Variants in AARS1 observed in about 807,000 individuals in gnomAD.
AARS1 encodes the protein alanyl-tRNA synthetase 1.
A neutral mutation model predicts 108.9 loss-of-function variants in AARS1; 72 were observed. That is an observed-to-expected ratio of 0.66 (90% confidence interval 0.55 to 0.80). AARS1 has a LOEUF of 0.80. AARS1 is among the 30% of genes least tolerant of loss of function. The pLI is 0.00. For missense variants in AARS1, 1,193 were observed against 1,233.2 expected (o/e 0.97, Z 0.49); for synonymous variants, 489 against 465.7 (o/e 1.05, Z -0.64).
In AARS1 at chr16:70,265,065, A is replaced by G; in HGVS notation, c.1385T>C (p.Leu462Pro). Residue 462 changes from leucine (L) to proline (P), a missense_variant, in exon 11 of 21, where the codon CTC becomes CCC. Leu to Pro is a moderately conservative substitution (Grantham distance 98). Coordinates refer to ENST00000261772, the MANE Select transcript of AARS1 (RefSeq NM_001605.3). ...SQGKGAGGED[L>P]IMLDIYAIEE... ...GATAGCGTAAATGTCCAGCATAATG[A>G]GGTCTTCCCCACCAGCTCCCTTGCC... 1 of 1,614,124 alleles carries G rather than the reference A, an allele frequency of 6.2e-7. No homozygotes were observed.
chr16:70,287,097 A>G (rs1207816964), intron 1 of AARS1, among the ~76,000 whole-genome samples: 1 of 151,522 alleles, frequency 6.6e-6, no homozygotes, highest in Non-Finnish European at 1.5e-5. Context: ...TAAAAATACA[A>G]AAAATTAGCC....
chr16:70,274,853 G>C lies in AARS1; in HGVS notation c.479+1633C>G, dbSNP rs553551297. On this transcript the variant is annotated intron_variant, in intron 4 of 20. Transcript: ENST00000261772. The stretch of plus-strand genomic sequence containing the variant: ...ATTAAACTATTAATGATGATTGAGG[G>C]AACTTCCACTTTCTATTTTCTACAT... Among the ~76,000 whole-genome samples the C allele has an allele frequency of 7.9e-5, 12 of 151,914 alleles. No homozygotes were observed. In the South Asian group the frequency reaches 1.9e-3, roughly 24 times the overall value.
chr16:70,275,589 C>A (rs1031512863), intron 4 of AARS1, among the ~76,000 whole-genome samples: 2 of 151,706 alleles, frequency 1.3e-5, no homozygotes, highest in Non-Finnish European at 2.9e-5. Flanking sequence ...GGTGAAACCC[C>A]GTCTCTACTA....
At chr16:70,260,707 G>A (rs181026239) in intron 13 of AARS1, among the ~76,000 whole-genome samples, 87 of 152,032 alleles carry the variant, frequency 5.7e-4, no homozygotes, top group Non-Finnish European at 1.2e-3. Flanking sequence ...CTGTTGCCCA[G>A]GCTGGTGTGC....
At chr16:70,285,816 A>G (rs1567613861) in intron 1 of AARS1, among the ~76,000 whole-genome samples, 1 of 152,144 alleles carries the variant, frequency 6.6e-6, no homozygotes, top group Non-Finnish European at 1.5e-5. Flanking sequence ...TCCTGGCCTC[A>G]ATCTCCCAAG....
intron 11 of AARS1, 103 bp from the exon 12 acceptor site, chr16:70,262,627 C>T: frequency 8.5e-7 from 1 of 1,181,332 alleles, no homozygotes; most frequent in Non-Finnish European, 1.2e-6. Flanking sequence ...CTCTTCTTAG[C>T]TCCTAATTGT....
chr16:70,258,920 G>C (rs1960063742), intron 14 of AARS1, 60 bp downstream of exon 14: 1 of 1,547,766 alleles, frequency 6.5e-7, no homozygotes, highest in Non-Finnish European at 8.9e-7. Flanking sequence ...GCACTGCTAA[G>C]ACTGTGGACA....
chr16:70,285,097 C>A (rs1382506413), intron 1 of AARS1, among the ~76,000 whole-genome samples: 4 of 152,072 alleles, frequency 2.6e-5, no homozygotes, highest in Non-Finnish European at 5.9e-5. Context: ...GGAATGATGG[C>A]GAGTGCCTGT....
intron 1 of AARS1, among the ~76,000 whole-genome samples, chr16:70,287,254 CAAAAA>C (rs71151181): frequency 3.8e-4 from 15 of 39,424 alleles, no homozygotes; most frequent in Non-Finnish European, 6.8e-4. Context: ...GACTCCGTCT[CAAAAA>C]AAAAAAAAAA....
In AARS1 at chr16:70,276,543, T is replaced by C. The variant is rs778636296; in HGVS notation, c.422A>G (p.Asp141Gly). Residue 141 changes from aspartate to glycine, a missense_variant, in exon 4 of 21, where the codon GAT becomes GGT. By Grantham distance (94) the Asp-to-Gly change is moderately conservative. Coordinates refer to ENST00000261772, the MANE Select transcript of AARS1 (RefSeq NM_001605.3). ...ERLYVTYFGG[D>G]EAAGLEADLE... Reference sequence around the variant, plus strand: ...ATCTGCTTCTAAGCCAGCTGCTTCATCCCCGCCAAAGTAAGTAACATAAAG... The same window carrying C: ...ATCTGCTTCTAAGCCAGCTGCTTCACCCCCGCCAAAGTAAGTAACATAAAG... 5 of 1,614,120 alleles carry C rather than the reference T, an allele frequency of 3.1e-6. No homozygotes were observed. The highest frequency in any genetic ancestry group is 1.1e-5 in the South Asian group (1 of 91,084).
In AARS1 at chr16:70,262,605, C is replaced by A. The variant is rs544138725; in HGVS notation, c.1493-81G>T. 479 of 1,387,406 alleles carry A rather than the reference C, an allele frequency of 3.5e-4. 9 individuals carry two copies. In the South Asian group the frequency reaches 6.1e-3, roughly 18 times the overall value. 85.9% of individuals were successfully genotyped at this position (1,387,406 alleles called of 1,614,324 possible). On this transcript the variant is annotated intron_variant, in intron 11 of 20. Transcript: ENST00000261772. ...CTTCTTGGCTGACTTTTGCTGGATT[C>A]TCTTTCGCAAACTCTTCTTAGCTCC... is the stretch of plus-strand genomic sequence containing the variant.
Position 70,252,364 on chromosome 16 carries a change from A to G in AARS1, c.*357T>C. 2.7e-6 allele frequency: 1 copy of G among 370,844 alleles called. No homozygotes were observed. The highest frequency in any genetic ancestry group is 2.8e-5 in the South Asian group (1 of 35,868). 23.0% of individuals were successfully genotyped at this position (370,844 alleles called of 1,614,324 possible). On this transcript the variant is annotated 3_prime_UTR_variant, in exon 21 of 21. Transcript: ENST00000261772. Reference sequence around the variant, plus strand: ...AAAAGAGCCAGCCCCTATTGGGAAGAGGGATAGAGATCATGCGGCATTAAG... The same window carrying G: ...AAAAGAGCCAGCCCCTATTGGGAAGGGGGATAGAGATCATGCGGCATTAAG...
intron 5 of AARS1, among the ~76,000 whole-genome samples, chr16:70,271,225 T>C (rs1023054522): frequency 6.0e-5 from 9 of 149,484 alleles, no homozygotes; most frequent in Admixed American, 3.4e-4. Flanking sequence ...TTCAAGGAAA[T>C]AGGCTTTAAA....
At chr16:70,269,515 C>G (rs7193598) in intron 7 of AARS1, 103 bp downstream of exon 7, 2 of 1,528,926 alleles carry the variant, frequency 1.3e-6, no homozygotes, top group Non-Finnish European at 8.9e-7. Flanking sequence ...GCCTGGGCAA[C>G]AGAGCAACAC....
chr16:70,283,787 G>C (rs945106988), intron 1 of AARS1, among the ~76,000 whole-genome samples: 2 of 152,174 alleles, frequency 1.3e-5, no homozygotes, highest in East Asian at 1.9e-4. Context: ...AACCCTAACA[G>C]CAAACGGCTG....
At chr16:70,268,044 T>A (rs2152160438) in intron 8 of AARS1, among the ~76,000 whole-genome samples, 1 of 152,332 alleles carries the variant, frequency 6.6e-6, no homozygotes, top group Non-Finnish European at 1.5e-5. Context: ...GGTGTGCACC[T>A]GTAATCCCAG....
At chr16:70,282,457 T>C (rs1290254007) in intron 2 of AARS1, among the ~76,000 whole-genome samples, 163 bp downstream of exon 2, 1 of 152,076 alleles carries the variant, frequency 6.6e-6, no homozygotes, top group Non-Finnish European at 1.5e-5. Context: ...CGCAATATTA[T>C]TCCTCATTTT....
chr16:70,253,254 G>C lies in AARS1; in HGVS notation c.2721+14C>G, dbSNP rs369055609. ...AAGACCTAACACTTCCCACTGGTGCGAGGTGGTGCTGACCTGGGGAACTTG... is the reference window on the plus strand; with the variant it reads ...AAGACCTAACACTTCCCACTGGTGCCAGGTGGTGCTGACCTGGGGAACTTG... On this transcript the variant is annotated intron_variant, in intron 20 of 20. Coordinates refer to ENST00000261772, the MANE Select transcript of AARS1 (RefSeq NM_001605.3). The C allele has an allele frequency of 1.9e-6, 3 of 1,587,290 alleles. No individual in the cohort carries two copies. Among genetic ancestry groups the C allele is most frequent in the Non-Finnish European group, 2.6e-6 (3 of 1,155,838 alleles).
At chr16:70,277,715 A>G (rs1172357116) in intron 2 of AARS1, among the ~76,000 whole-genome samples, 2 of 148,488 alleles carry the variant, frequency 1.3e-5, no homozygotes, top group Non-Finnish European at 3.0e-5. Flanking sequence ...TTCCCACTAG[A>G]TCTGTTCAAT....
Sources: allele counts gnomAD v4.1 joint callset (sites outside exome capture counted in the v4.1 genomes callset), GRCh38; gene constraint gnomAD v4.1.1; transcripts MANE v1.5; gene names NCBI Gene and HGNC (gene_info 2026-07-23, HGNC 2026-07-21).